Variants in SLC24A2 observed in about 807,000 individuals in gnomAD.
The protein encoded by SLC24A2 is sodium/potassium/calcium exchanger 2.
A neutral mutation model predicts 62.0 loss-of-function variants in SLC24A2; 36 were observed. The ratio of observed to expected loss-of-function variants is 0.58; its 90% CI spans 0.44 to 0.77. The LOEUF (loss-of-function observed/expected upper bound fraction) is 0.77. Ranked by LOEUF, SLC24A2 falls within the 30% of genes least tolerant of loss-of-function variation. The pLI is 0.00. For synonymous variants in SLC24A2, 358 were observed against 294.0 expected, an observed-to-expected ratio of 1.22 and a Z score of -2.23; for missense variants, 846 against 817.9, an observed-to-expected ratio of 1.03 and a Z score of -0.42.
intron 2 of SLC24A2, among the ~76,000 whole-genome samples, chr9:19,686,562 G>A (rs1405572136): frequency 6.6e-6 from 1 of 152,040 alleles, no homozygotes; most frequent in South Asian, 2.1e-4. Flanking sequence ...TTTAATCATG[G>A]GGCGGTTACC....
the SLC24A2 span, among the ~76,000 whole-genome samples, chr9:20,086,394 G>A: frequency 6.6e-6 from 1 of 152,080 alleles, no homozygotes; most frequent in Non-Finnish European, 1.5e-5. Flanking sequence ...GACTCACCTT[G>A]AGCCCCCAGC....
intron 2 of SLC24A2, among the ~76,000 whole-genome samples, chr9:19,692,454 T>C (rs1820071491): frequency 1.3e-5 from 2 of 152,160 alleles, no homozygotes; most frequent in African/African-American, 4.8e-5. Context: ...TACGACAAAA[T>C]TGAAGCCACC....
chr9:19,746,753 G>A (rs1435927144), intron 2 of SLC24A2, among the ~76,000 whole-genome samples: 1 of 152,028 alleles, frequency 6.6e-6, no homozygotes, highest in Non-Finnish European at 1.5e-5. Flanking sequence ...TGCTATTTCT[G>A]ACAAATAACA....
At chr9:20,115,198 C>A in the SLC24A2 span, among the ~76,000 whole-genome samples, 1 of 152,096 alleles carries the variant, frequency 6.6e-6, no homozygotes, top group Non-Finnish European at 1.5e-5. Flanking sequence ...CAAAGGTTAT[C>A]TTATCATGCA....
chr9:20,123,084 T>G, the SLC24A2 span, among the ~76,000 whole-genome samples: 1 of 152,190 alleles, frequency 6.6e-6, no homozygotes, highest in Non-Finnish European at 1.5e-5. Flanking sequence ...AACAGGAATT[T>G]GTTTTTCACA....
the SLC24A2 span, among the ~76,000 whole-genome samples, chr9:19,952,541 T>A: frequency 6.6e-6 from 1 of 152,056 alleles, no homozygotes; most frequent in African/African-American, 2.4e-5. Context: ...ACCTGAGATA[T>A]AACTTTGCCT....
the SLC24A2 span, among the ~76,000 whole-genome samples, chr9:20,109,990 C>T: frequency 1.3e-5 from 2 of 152,084 alleles, no homozygotes; most frequent in South Asian, 2.1e-4. Context: ...CACAAAGAAA[C>T]TGTGTTCTTT....
At chr9:19,526,357 C>A (rs1179409552) in intron 9 of SLC24A2, among the ~76,000 whole-genome samples, 2 of 152,162 alleles carry the variant, frequency 1.3e-5, no homozygotes, top group Non-Finnish European at 1.5e-5. Context: ...TTCTCTTAAG[C>A]CTATTCCTAG....
rs115548810 is a variant in SLC24A2, at chr9:19,704,196, A to C, written c.930+81741T>G. On this transcript the variant is annotated intron_variant, in intron 2 of 10. Coordinates refer to ENST00000341998, the MANE Select transcript of SLC24A2 (RefSeq NM_020344.4). ...TAGGTCTGGGGGAGCGCCTGAGATT[A>C]TGCATTTCCAACAAGTTCTCCAGTG... is the stretch of plus-strand genomic sequence containing the variant. Among the ~76,000 whole-genome samples, 745 of 152,344 alleles carry C rather than the reference A, an allele frequency of 4.9e-3. 5 individuals are homozygous for C. The highest frequency in any genetic ancestry group is 0.017 in the African/African-American group (702 of 41,588).
At chr9:20,064,157 T>A in the SLC24A2 span, among the ~76,000 whole-genome samples, 1 of 152,070 alleles carries the variant, frequency 6.6e-6, no homozygotes, top group Admixed American at 6.6e-5. Context: ...ATGCAAACAC[T>A]GATACATGTT....
chr9:19,788,794 C>T, intron 1 of SLC24A2, 91 bp downstream of exon 1: 1 of 985,446 alleles, frequency 1.0e-6, no homozygotes, highest in Non-Finnish European at 1.2e-6. Context: ...TGTGAGCCTG[C>T]AGAGCAGCAA....
chr9:20,129,938 C>CACACACACACACAT, the SLC24A2 span, among the ~76,000 whole-genome samples: 1 of 149,746 alleles, frequency 6.7e-6, no homozygotes, highest in Non-Finnish European at 1.5e-5. Context: ...TACACACACA[C>CACACACACACACAT]ACACACACAC....
At chr9:20,005,865 TA>T in the SLC24A2 span, among the ~76,000 whole-genome samples, 3,467 of 140,590 alleles carry the variant, frequency 0.025, 120 homozygotes, top group African/African-American at 0.078. Context: ...CCTACTCCAT[TA>T]AAAAAAAAAA....
the SLC24A2 span, among the ~76,000 whole-genome samples, chr9:20,221,074 A>G: frequency 1.3e-5 from 2 of 152,160 alleles, no homozygotes; most frequent in Non-Finnish European, 2.9e-5. Flanking sequence ...ACCAGAGCTT[A>G]TAGAGTGGTG....
At chr9:19,748,686 GTT>G (rs1821902677) in intron 2 of SLC24A2, among the ~76,000 whole-genome samples, 1 of 151,562 alleles carries the variant, frequency 6.6e-6, no homozygotes, top group Admixed American at 6.6e-5. Flanking sequence ...TTTTTTGTTT[GTT>G]TGTTTGTTTG....
chr9:19,534,560 A>C (rs1274392908), intron 8 of SLC24A2, among the ~76,000 whole-genome samples: 2 of 149,164 alleles, frequency 1.3e-5, no homozygotes, highest in Non-Finnish European at 3.0e-5. Flanking sequence ...CCCCGGGTCC[A>C]TGTTATCTCA....
the SLC24A2 span, among the ~76,000 whole-genome samples, chr9:20,009,136 G>A: frequency 6.6e-5 from 10 of 152,240 alleles, 2 homozygotes; most frequent in East Asian, 7.7e-4. Context: ...AGTTGGAGGT[G>A]GACATTCAGC....
chr9:19,592,495 C>CACCT (rs34178915), intron 5 of SLC24A2, among the ~76,000 whole-genome samples: 147 of 70,572 alleles, frequency 2.1e-3, no homozygotes, highest in Non-Finnish European at 2.4e-3. Context: ...CCTACCTACC[C>CACCT]ACCTACCTAC....
the SLC24A2 span, among the ~76,000 whole-genome samples, chr9:19,860,118 G>C: frequency 6.6e-6 from 1 of 152,186 alleles, no homozygotes; most frequent in African/African-American, 2.4e-5. Flanking sequence ...AGCCAGGGTG[G>C]CTAAGGGAGT....
Sources: allele counts gnomAD v4.1 joint callset (sites outside exome capture counted in the v4.1 genomes callset), GRCh38; gene constraint gnomAD v4.1.1; transcripts MANE v1.5; gene names NCBI Gene and HGNC (gene_info 2026-07-23, HGNC 2026-07-21).